ECT2L: variants seen among roughly 807,000 people sequenced by gnomAD.
ECT2L encodes the protein epithelial cell transforming 2 like.
Under a neutral mutation model 122.8 loss-of-function variants are expected in ECT2L, and 126 were observed. That is an observed-to-expected ratio of 1.03 (90% CI 0.89 to 1.19). ECT2L has a LOEUF of 1.19. Among genes scored for constraint, ECT2L ranks in the 50% most tolerant of loss-of-function variants. ECT2L has a pLI of 0.00. For synonymous variants in ECT2L, 385 were observed against 381.8 expected, an observed-to-expected ratio of 1.01 and a Z score of -0.10; for missense variants, 1,012 against 1,064.1, an observed-to-expected ratio of 0.95 and a Z score of 0.68.
chr6:138,826,004 C>T (rs969130503), intron 4 of ECT2L, among the ~76,000 whole-genome samples: 3 of 152,212 alleles, frequency 2.0e-5, no homozygotes, highest in Non-Finnish European at 2.9e-5. Flanking sequence ...AATCCAGAGT[C>T]ACTGATGGAA....
chr6:138,887,886 C>T lies in ECT2L; in HGVS notation c.2325+964C>T, dbSNP rs545258966. On this transcript the variant is annotated intron_variant, in intron 19 of 21. Transcript: ENST00000541398. ...AGTTTCCCCCAGCATTTCCAGCTGTCAGCGGCTTCTTTGTAGGGATTTTGC... is the reference window on the plus strand; with the variant it reads ...AGTTTCCCCCAGCATTTCCAGCTGTTAGCGGCTTCTTTGTAGGGATTTTGC... Among the ~76,000 whole-genome samples the T allele has an allele frequency of 3.7e-4, 57 of 152,300 alleles. 1 individual carries two copies. Among genetic ancestry groups the T allele is most frequent in the African/African-American group, 1.2e-3 (51 of 41,558 alleles).
rs1271527722 is a variant in ECT2L, at chr6:138,877,028, TG to T, written c.1665+473del. Among the ~76,000 whole-genome samples, 12 of 152,320 alleles carry T rather than the reference TG, an allele frequency of 7.9e-5. No homozygotes were observed. The East Asian group carries it at 2.3e-3, about 29-fold the overall frequency. On this transcript the variant is annotated intron_variant, in intron 14 of 21. Coordinates refer to ENST00000541398, the MANE Select transcript of ECT2L (RefSeq NM_001077706.3). ...GTCTCGTCCTGTGTAACCCACGGCATGGGCACACTGTTTTGTTTTCTTCAAC... is the reference window on the plus strand; with the variant it reads ...GTCTCGTCCTGTGTAACCCACGGCATGGCACACTGTTTTGTTTTCTTCAAC...
chr6:138,895,425 A>G (rs1451509377), intron 20 of ECT2L, among the ~76,000 whole-genome samples: 2 of 152,168 alleles, frequency 1.3e-5, no homozygotes, highest in African/African-American at 4.8e-5. Flanking sequence ...AAGTCATAGA[A>G]TAAGTGCTGG....
chr6:138,827,514 A>G (rs1272073302), intron 4 of ECT2L, among the ~76,000 whole-genome samples: 1 of 151,282 alleles, frequency 6.6e-6, no homozygotes, highest in African/African-American at 2.4e-5. Context: ...TATTTCATCT[A>G]TTTTCCCAAA....
chr6:138,802,455 A>G lies in ECT2L; in HGVS notation c.-244+6263A>G, dbSNP rs546171693. Among the ~76,000 whole-genome samples, 29 of 152,392 alleles carry G rather than the reference A, an allele frequency of 1.9e-4. No individual in the cohort carries two copies. The South Asian group carries it at 5.8e-3, about 30-fold the overall frequency. On this transcript the variant is annotated intron_variant, in intron 1 of 21. Transcript: ENST00000541398. The stretch of plus-strand genomic sequence containing the variant: ...GATAACCCCATTAGATAATCAATAC[A>G]CACTGTGATAGTCTCCATATAACAA...
chr6:138,895,981 C>G, intron 20 of ECT2L, among the ~76,000 whole-genome samples: 1 of 152,064 alleles, frequency 6.6e-6, no homozygotes, highest in South Asian at 2.1e-4. Flanking sequence ...CAATTTGTTC[C>G]TCTGAGGACA....
intron 4 of ECT2L, among the ~76,000 whole-genome samples, chr6:138,826,501 C>T (rs1308472403): frequency 6.6e-6 from 1 of 151,860 alleles, no homozygotes; most frequent in Non-Finnish European, 1.5e-5. Context: ...CATGGTGAAA[C>T]CTTGACTCTA....
chr6:138,804,129 C>T (rs1775635974), intron 1 of ECT2L, among the ~76,000 whole-genome samples: 1 of 152,088 alleles, frequency 6.6e-6, no homozygotes, highest in African/African-American at 2.4e-5. Flanking sequence ...GATTTTTTTC[C>T]CACTTAGATT....
chr6:138,881,736 T>C (rs1305940267), intron 15 of ECT2L, among the ~76,000 whole-genome samples: 1 of 151,988 alleles, frequency 6.6e-6, no homozygotes, highest in Non-Finnish European at 1.5e-5. Context: ...CAGTTCACCA[T>C]AGTGTTTGCA....
rs2128390207 is a variant in ECT2L at position 138,844,508 on chromosome 6, G to A, written c.692G>A (p.Arg231Lys). The A allele has an allele frequency of 6.2e-7, 1 of 1,614,172 alleles. No homozygotes were observed. The highest frequency in any genetic ancestry group is 2.2e-5 in the East Asian group (1 of 44,880). The change falls in exon 7 of 22, where the codon AGG becomes AAG. Residue 231 changes from arginine to lysine, a missense_variant. Coordinates refer to ENST00000541398, the MANE Select transcript of ECT2L (RefSeq NM_001077706.3). ...RCQPRLSQTV[R>K]ERVGLHEALE... ...CAACCACGCCTCTCCCAGACTGTAA[G>A]GGAGCGAGTGGGATTACATGAAGCT...
intron 1 of ECT2L, among the ~76,000 whole-genome samples, chr6:138,800,249 T>C (rs897426230): frequency 3.3e-5 from 5 of 152,204 alleles, no homozygotes; most frequent in Non-Finnish European, 7.3e-5. Flanking sequence ...AGCCACAATG[T>C]TTTTTCCAGT....
chr6:138,878,304 TATACAC>T (rs1010776497), intron 14 of ECT2L, among the ~76,000 whole-genome samples: 12 of 103,404 alleles, frequency 1.2e-4, no homozygotes, highest in East Asian at 3.3e-4. Context: ...TACATATATA[TATACAC>T]ACACACACAC....
At chr6:138,899,520 G>A (rs2128415290) in intron 20 of ECT2L, among the ~76,000 whole-genome samples, 1 of 152,200 alleles carries the variant, frequency 6.6e-6, no homozygotes, top group East Asian at 1.9e-4. Flanking sequence ...TGGGTGACCT[G>A]AGTGAAGACA....
intron 3 of ECT2L, among the ~76,000 whole-genome samples, 191 bp from the exon 4 acceptor site, chr6:138,814,300 C>T (rs1448285784): frequency 1.3e-5 from 2 of 152,190 alleles, no homozygotes; most frequent in African/African-American, 4.8e-5. Flanking sequence ...CTGGGCCTGT[C>T]AGTATCCCTG....
At position 138,846,440 on chromosome 6, in the gene ECT2L, T is replaced by C. The variant is rs1777222324; in HGVS notation, c.765-99T>C. On this transcript the variant is annotated intron_variant, in intron 7 of 21. Transcript: ENST00000541398. ...GCTAAGGCATGGAGGCCACGTGCCT[T>C]GTAGAGTAGAGCTGATGCCCAGAGA... 4.1e-6 allele frequency: 5 copies of C among 1,207,404 alleles called. No individual in the cohort carries two copies. The East Asian group carries it at 1.3e-4, about 32-fold the overall frequency. The allele number at this position is 1,207,404 out of a possible 1,614,324, so 74.8% of individuals were successfully genotyped here.
chr6:138,814,405 T>C (rs1029010812), intron 3 of ECT2L, 86 bp from the exon 4 acceptor site: 2 of 744,600 alleles, frequency 2.7e-6, no homozygotes, highest in African/African-American at 3.5e-5. Flanking sequence ...AGCTGTGAGG[T>C]TGCTGGTAGA....
At chr6:138,822,328 C>T (rs970437937) in intron 4 of ECT2L, among the ~76,000 whole-genome samples, 2 of 152,032 alleles carry the variant, frequency 1.3e-5, no homozygotes, top group South Asian at 4.1e-4. Flanking sequence ...CTGAGGTCGG[C>T]GGATCACTTG....
intron 20 of ECT2L, among the ~76,000 whole-genome samples, chr6:138,891,369 C>G (rs1418445521): frequency 1.3e-5 from 2 of 152,160 alleles, no homozygotes; most frequent in African/African-American, 4.8e-5. Flanking sequence ...TTTTCCTGAT[C>G]CAGGAGAGAT....
At position 138,834,935 on chromosome 6, in the gene ECT2L, A is replaced by ACACTCT. The variant is rs5880405; in HGVS notation, c.180-3416_180-3415insACTCTC. Among the ~76,000 whole-genome samples the ACACTCT allele has an allele frequency of 9.8e-3, 1,395 of 142,786 alleles. 35 individuals carry two copies. In the East Asian group the frequency reaches 0.11, roughly 11 times the overall value. The allele number at this position is 142,786 out of a possible 152,430, so 93.7% of individuals were successfully genotyped here. On this transcript the variant is annotated intron_variant, in intron 4 of 21. Transcript: ENST00000541398. ...CACACACACACACACACACACACACACTCTCATTCTCTCTCTCTGTCTCTT... is the reference window on the plus strand; with the variant it reads ...CACACACACACACACACACACACACACACTCTCTCTCATTCTCTCTCTCTGTCTCTT...
Sources: allele counts gnomAD v4.1 joint callset (sites outside exome capture counted in the v4.1 genomes callset), GRCh38; gene constraint gnomAD v4.1.1; transcripts MANE v1.5; gene names NCBI Gene and HGNC (gene_info 2026-07-23, HGNC 2026-07-21).